Variants in UGGT1 observed in about 807,000 individuals in gnomAD.
UGGT1 encodes UDP-glucose glycoprotein glucosyltransferase 1.
A neutral mutation model predicts 203.9 loss-of-function variants in UGGT1; 107 were observed. The observed-to-expected ratio is 0.52, with a 90% CI of 0.45 to 0.62. UGGT1 has a LOEUF of 0.62. UGGT1 is among the 20% of genes least tolerant of loss of function. The pLI is 0.00. For synonymous variants in UGGT1, 628 were observed against 653.5 expected, an observed-to-expected ratio of 0.96 and a Z score of 0.59; for missense variants, 1,673 against 1,867.2, an observed-to-expected ratio of 0.90 and a Z score of 1.92.
rs1316624591 is a variant in UGGT1 at position 128,172,690 on chromosome 2, G to C, written c.3222G>C (p.Leu1074Phe). The change falls in exon 29 of 41, where the codon TTG (leucine) becomes TTC (phenylalanine). Residue 1074 changes from leucine to phenylalanine, a missense_variant. Physicochemically the swap from Leu to Phe is conservative, Grantham distance 22. This residue lies in a region of UGGT1 where 513 missense variants were observed against 684.1 expected (regional missense o/e 0.75). Coordinates refer to ENST00000259253, the MANE Select transcript of UGGT1 (RefSeq NM_020120.4). ...AGTCTCCACTGTTCACTCTGAATTT[G>C]AACACACCTGAGAGCTGGATGGTAG... Reference protein sequence around the residue: ...MPQSPLFTLNLNTPESWMVES... With the variant: ...MPQSPLFTLNFNTPESWMVES... The C allele has an allele frequency of 1.5e-5, 24 of 1,614,098 alleles. No homozygotes were observed. Among genetic ancestry groups the C allele is most frequent in the Non-Finnish European group, 2.0e-5 (24 of 1,180,012 alleles).
At chr2:128,119,193 A>C (rs1198200174) in intron 8 of UGGT1, among the ~76,000 whole-genome samples, 1 of 152,222 alleles carries the variant, frequency 6.6e-6, no homozygotes. Flanking sequence ...TTTGGATTTC[A>C]GAATTTCGGA....
chr2:128,091,493 C>T, intron 1 of UGGT1, 78 bp downstream of exon 1: 4 of 1,517,874 alleles, frequency 2.6e-6, no homozygotes, highest in Non-Finnish European at 2.7e-6. Context: ...GCCCCTGTCA[C>T]ATTGAGCTTC....
In UGGT1 at chr2:128,183,800, A is replaced by AT. The variant is rs1162182437; in HGVS notation, c.4359+17dup. 2 of 1,600,640 alleles carry AT rather than the reference A, an allele frequency of 1.2e-6. No homozygotes were observed. The highest frequency in any genetic ancestry group is 4.5e-5 in the East Asian group (2 of 44,812). ...TCAAATCTTGATCAAGTAAGTGTCC[A>AT]TTTTTTATGGTTAACTGTGAGTGAC... is the stretch of plus-strand genomic sequence containing the variant. On this transcript the variant is annotated intron_variant, in intron 38 of 40. Transcript: ENST00000259253.
In UGGT1 at chr2:128,115,535, A is replaced by G. The variant is rs73955918; in HGVS notation, c.793+315A>G. 4.1e-3 allele frequency among the ~76,000 whole-genome samples: 622 copies of G among 151,280 alleles called. 6 individuals carry two copies. Among genetic ancestry groups the G allele is most frequent in the African/African-American group, 0.013 (544 of 41,306 alleles). On this transcript the variant is annotated intron_variant, in intron 7 of 40. Coordinates refer to ENST00000259253, the MANE Select transcript of UGGT1 (RefSeq NM_020120.4). The stretch of plus-strand genomic sequence containing the variant: ...AACCCTCAAAAAAAGAACCTGGCAC[A>G]GTGGTTTGCCCAAAAACGTTCAGCA...
chr2:128,119,579 A>T (rs1326198076), intron 8 of UGGT1, among the ~76,000 whole-genome samples: 3 of 152,220 alleles, frequency 2.0e-5, no homozygotes, highest in African/African-American at 7.2e-5. Context: ...TAAAGATAAA[A>T]CCCAGTAACT....
chr2:128,181,778 T>A (rs1006182667), intron 36 of UGGT1, among the ~76,000 whole-genome samples: 2 of 152,234 alleles, frequency 1.3e-5, no homozygotes, highest in African/African-American at 4.8e-5. Context: ...TTATTCTACA[T>A]CTGTCCATCC....
chr2:128,138,830 A>G lies in UGGT1; in HGVS notation c.1697A>G (p.His566Arg), dbSNP rs780808948. The G allele has an allele frequency of 3.7e-6, 6 of 1,614,028 alleles. No homozygotes were observed. The African/African-American group carries it at 4.0e-5, about 11-fold the overall frequency. Residue 566 changes from histidine to arginine, a missense_variant, in exon 16 of 41, where the codon CAT (histidine) becomes CGT (arginine). His to Arg is a conservative substitution (Grantham distance 29). Coordinates refer to ENST00000259253, the MANE Select transcript of UGGT1 (RefSeq NM_020120.4). ...GTTGCCCAAGAAGTGGATGATTATC[A>G]TGCCTTCCAGACTCTGACACATGTA... is the stretch of plus-strand genomic sequence containing the variant. ...NYVAQEVDDY[H>R]AFQTLTHIYN...
intron 29 of UGGT1, 119 bp downstream of exon 29, chr2:128,172,881 G>T (rs1026335896): frequency 1.2e-5 from 11 of 942,464 alleles, no homozygotes; most frequent in Non-Finnish European, 1.7e-5. Flanking sequence ...TTAAACAACA[G>T]CTTTATTCAC....
At chr2:128,097,913 G>T (rs1687187620) in intron 2 of UGGT1, among the ~76,000 whole-genome samples, 1 of 152,222 alleles carries the variant, frequency 6.6e-6, no homozygotes, top group African/African-American at 2.4e-5. Context: ...CCAGGCTGGA[G>T]TGCAGTGGTG....
At chr2:128,172,831 G>A (rs1691180694) in intron 29 of UGGT1, 69 bp downstream of exon 29, 1 of 1,453,674 alleles carries the variant, frequency 6.9e-7, no homozygotes, top group South Asian at 1.3e-5. Context: ...CATAGTCTAG[G>A]TGGGCCTCTG....
Position 128,113,339 on chromosome 2 carries a change from C to T in UGGT1, c.696+81C>T, listed in dbSNP as rs189415909. On this transcript the variant is annotated intron_variant, in intron 6 of 40. Transcript: ENST00000259253. ...TAGAACATAAGCTAATAATCTCCCT[C>T]TTTATAAAAAAATCTAGTTATTTGA... The T allele has an allele frequency of 3.5e-6, 4 of 1,151,088 alleles. No individual in the cohort carries two copies. In the African/African-American group the frequency reaches 4.8e-5, roughly 14 times the overall value. The allele number at this position is 1,151,088 out of a possible 1,614,324, so 71.3% of individuals were successfully genotyped here.
rs149017250 is a variant in UGGT1, at chr2:128,091,310, G to T, written c.-48G>T. ...TGCCGCTGCCGCCTCGCCCCGCCCT[G>T]CCCTGGCGTTGTCTCTGGCACTGTG... On this transcript the variant is annotated 5_prime_UTR_variant, in exon 1 of 41. Coordinates refer to ENST00000259253, the MANE Select transcript of UGGT1 (RefSeq NM_020120.4). 2.6e-6 allele frequency: 4 copies of T among 1,521,096 alleles called. No homozygotes were observed. The highest frequency in any genetic ancestry group is 1.4e-5 in the African/African-American group (1 of 70,630). The allele number at this position is 1,521,096 out of a possible 1,614,324, so 94.2% of individuals were successfully genotyped here.
chr2:128,174,992 T>C, intron 31 of UGGT1, 134 bp downstream of exon 31: 1 of 679,666 alleles, frequency 1.5e-6, no homozygotes, highest in Middle Eastern at 4.2e-4. Context: ...AACAGTGGTT[T>C]TTCCAGGAAA....
intron 31 of UGGT1, among the ~76,000 whole-genome samples, chr2:128,175,140 C>A (rs553297585): frequency 6.6e-6 from 1 of 152,094 alleles, no homozygotes; most frequent in African/African-American, 2.4e-5. Flanking sequence ...CAGTGTGATG[C>A]GGCTCATAGA....
chr2:128,157,302 A>T lies in UGGT1; in HGVS notation c.2311A>T (p.Ser771Cys). 1 of 1,614,172 alleles carries T rather than the reference A, an allele frequency of 6.2e-7. No homozygotes were observed. The highest frequency in any genetic ancestry group is 1.1e-5 in the South Asian group (1 of 91,082). The change falls in exon 22 of 41, where the codon AGC becomes TGC. Residue 771 changes from serine to cysteine, a missense_variant. Coordinates refer to ENST00000259253, the MANE Select transcript of UGGT1 (RefSeq NM_020120.4). ...TTTTTGGATTGTTGGGGATTTTGAT[A>T]GCCCTTCTGGACGGCAGTTACTGTA... Reference protein sequence around the residue: ...VTFWIVGDFDSPSGRQLLYDA... With the variant: ...VTFWIVGDFDCPSGRQLLYDA...
intron 6 of UGGT1, among the ~76,000 whole-genome samples, chr2:128,113,516 CTT>C (rs1221141531): frequency 1.3e-5 from 2 of 152,068 alleles, no homozygotes; most frequent in Non-Finnish European, 2.9e-5. Context: ...TGTAAATAAT[CTT>C]TTCTGATTTT....
rs1558837002 is a variant in UGGT1 at position 128,190,578 on chromosome 2, T to C, written c.*836T>C. 6.6e-6 allele frequency: 1 copy of C among 152,262 alleles called. No homozygotes were observed. Among genetic ancestry groups the C allele is most frequent in the African/African-American group, 2.4e-5 (1 of 41,460 alleles). The allele number at this position is 152,262 out of a possible 1,614,324, so 9.4% of individuals were successfully genotyped here. On this transcript the variant is annotated 3_prime_UTR_variant, in exon 41 of 41. Coordinates refer to ENST00000259253, the MANE Select transcript of UGGT1 (RefSeq NM_020120.4). ...CAATTTTTGTATCTGTGAAAGTCTTTGCTTTTTCTTTCCACCTTCTAGAAA... is the reference window on the plus strand; with the variant it reads ...CAATTTTTGTATCTGTGAAAGTCTTCGCTTTTTCTTTCCACCTTCTAGAAA...
intron 34 of UGGT1, among the ~76,000 whole-genome samples, chr2:128,179,035 C>T (rs1691549285): frequency 6.6e-6 from 1 of 152,170 alleles, no homozygotes; most frequent in South Asian, 2.1e-4. Flanking sequence ...TGTCTAAGGT[C>T]ACACAGCTAC....
At chr2:128,134,618 G>GA (rs1366238705) in intron 14 of UGGT1, among the ~76,000 whole-genome samples, 1 of 152,142 alleles carries the variant, frequency 6.6e-6, no homozygotes, top group Non-Finnish European at 1.5e-5. Flanking sequence ...TGGTGTAGTA[G>GA]AAAAAGCGGC....
Sources: gnomAD v4.1 joint callset for allele counts (sites outside exome capture counted in the v4.1 genomes callset) on GRCh38, gnomAD v4.1.1 for gene constraint, gnomAD v4.1.1 regional missense constraint, MANE v1.5 for transcripts, NCBI Gene and HGNC (gene_info 2026-07-23, HGNC 2026-07-21) for gene names.